The following SP140L variants were observed in gnomAD, a reference collection of about 807,000 sequenced individuals.
SP140L encodes nuclear body protein SP140-like protein.
SP140L carries 64 observed loss-of-function variants against 84.3 expected under a neutral mutation model. The observed-to-expected ratio is 0.76, with a 90% CI of 0.62 to 0.94. The LOEUF (loss-of-function observed/expected upper bound fraction) is 0.94, where lower values mean the gene tolerates loss of function less well. Among genes scored for constraint, SP140L ranks in the 40% least tolerant of loss-of-function variants. SP140L has a pLI of 0.00. For missense variants in SP140L, 628 were observed against 692.5 expected, an observed-to-expected ratio of 0.91 and a Z score of 1.05; for synonymous variants, 242 against 236.9, an observed-to-expected ratio of 1.02 and a Z score of -0.20.
chr2:230,328,004 A>G (rs777141884), intron 1 of SP140L, among the ~76,000 whole-genome samples: 24 of 152,174 alleles, frequency 1.6e-4, no homozygotes, highest in Non-Finnish European at 2.5e-4. Flanking sequence ...AAGAGATGGA[A>G]ATCCTATCTT....
chr2:230,387,050 C>T (rs865930575), intron 9 of SP140L, among the ~76,000 whole-genome samples: 2 of 152,078 alleles, frequency 1.3e-5, no homozygotes, highest in South Asian at 2.1e-4. Context: ...TGGCATCTTG[C>T]GTGGGAGAGG....
chr2:230,342,926 A>T lies in SP140L; in HGVS notation c.107+14095A>T, dbSNP rs138649296. Among the ~76,000 whole-genome samples the T allele has an allele frequency of 1.4e-4, 21 of 151,838 alleles. No individual in the cohort carries two copies. The East Asian group carries it at 4.1e-3, about 29-fold the overall frequency. On this transcript the variant is annotated intron_variant, in intron 2 of 18. Transcript: ENST00000415673. ...CTACATTATTTTCTCCCTTCTCCTT[A>T]CTTTGTGCTTAGTTTGCCTTTCTTC...
intron 5 of SP140L, among the ~76,000 whole-genome samples, chr2:230,366,356 G>A (rs2060868746): frequency 6.6e-6 from 1 of 151,966 alleles, no homozygotes; most frequent in African/African-American, 2.4e-5. Context: ...CAAATTGACT[G>A]CTTCATCATT....
At chr2:230,389,800 A>C in intron 10 of SP140L, 119 bp from the exon 11 acceptor site, 8 of 969,412 alleles carry the variant, frequency 8.3e-6, no homozygotes, top group Non-Finnish European at 1.2e-5. Context: ...TTGAAACTCT[A>C]GAGATTTATG....
At chr2:230,384,398 C>T (rs2061502826) in intron 8 of SP140L, among the ~76,000 whole-genome samples, 1 of 152,026 alleles carries the variant, frequency 6.6e-6, no homozygotes, top group African/African-American at 2.4e-5. Context: ...TAAGGATTTC[C>T]TTTCTCCTAG....
chr2:230,389,704 A>T (rs2061723992), intron 10 of SP140L, among the ~76,000 whole-genome samples: 1 of 152,258 alleles, frequency 6.6e-6, no homozygotes, highest in Admixed American at 6.5e-5. Flanking sequence ...CTGATAAAGC[A>T]TTCAATTTTC....
chr2:230,374,709 C>G (rs773868728), intron 7 of SP140L, among the ~76,000 whole-genome samples: 17 of 152,144 alleles, frequency 1.1e-4, no homozygotes, highest in Non-Finnish European at 2.5e-4. Context: ...CAGGCAAGAC[C>G]CTTTACCAGC....
chr2:230,382,216 G>C (rs915528455), intron 7 of SP140L, among the ~76,000 whole-genome samples: 1 of 126,142 alleles, frequency 7.9e-6, no homozygotes, highest in Admixed American at 1.1e-4. Flanking sequence ...ACAATGTCTA[G>C]AGGGTTCTAT....
intron 2 of SP140L, among the ~76,000 whole-genome samples, chr2:230,331,096 C>T (rs182016045): frequency 1.3e-4 from 19 of 151,808 alleles, no homozygotes; most frequent in African/African-American, 3.1e-4. Context: ...AAAGAGAAGC[C>T]GTCAAGTGCT....
intron 7 of SP140L, among the ~76,000 whole-genome samples, chr2:230,381,655 A>G (rs543668569): frequency 1.3e-5 from 2 of 152,152 alleles, no homozygotes; most frequent in East Asian, 3.9e-4. Context: ...CAGGAGTCCA[A>G]AAACAAGCAA....
In SP140L at chr2:230,402,856, A is replaced by G. The variant is rs777979845; in HGVS notation, c.1703A>G (p.Lys568Arg). Residue 568 changes from lysine (K) to arginine (R), a missense_variant, in exon 19 of 19, where the codon AAG (lysine) becomes AGG (arginine). Lys to Arg is a conservative substitution (Grantham distance 26). Around this residue, in one of 4 missense-constraint regions of SP140L, gnomAD observed 44 missense variants for 36.1 expected, o/e 1.22. Coordinates refer to ENST00000415673, the MANE Select transcript of SP140L (RefSeq NM_138402.6). ...RLEAEFEKDF[K>R]EVFAIQETNG... ...GAGGCTGAATTTGAGAAGGATTTCA[A>G]GGAAGTGTTTGCTATTCAGGAAACA... 6.2e-6 allele frequency: 10 copies of G among 1,613,432 alleles called. No individual in the cohort carries two copies. In the South Asian group the frequency reaches 1.1e-4, roughly 18 times the overall value.
intron 7 of SP140L, 112 bp from the exon 8 acceptor site, chr2:230,383,398 C>A: frequency 8.7e-7 from 1 of 1,143,364 alleles, no homozygotes; most frequent in Non-Finnish European, 1.2e-6. Context: ...AGAATTTTGC[C>A]CCATTCCTGT....
At chr2:230,387,318 G>C (rs1575528388) in intron 9 of SP140L, among the ~76,000 whole-genome samples, 1 of 152,312 alleles carries the variant, frequency 6.6e-6, no homozygotes. Flanking sequence ...AATATTAACA[G>C]GATGACAACT....
chr2:230,402,964 G>T lies in SP140L; in HGVS notation c.*68G>T, dbSNP rs2062422812. The T allele has an allele frequency of 2.3e-6, 3 of 1,314,760 alleles. No individual in the cohort carries two copies. Among genetic ancestry groups the T allele is most frequent in the Non-Finnish European group, 3.2e-6 (3 of 940,446 alleles). 81.4% of individuals were successfully genotyped at this position (1,314,760 alleles called of 1,614,324 possible). A position where few individuals can be genotyped will look rare whatever the true frequency, so the allele number is the denominator to read the frequency against. On this transcript the variant is annotated 3_prime_UTR_variant, in exon 19 of 19. Transcript: ENST00000415673. ...GGTTGCCACTGACTTCAAACTGAGA[G>T]CACTTGGGAAATAGCACATGCAGGG...
At chr2:230,360,354 G>A (rs923695265) in intron 4 of SP140L, among the ~76,000 whole-genome samples, 2 of 152,144 alleles carry the variant, frequency 1.3e-5, no homozygotes, top group Non-Finnish European at 2.9e-5. Flanking sequence ...TTATTTACTA[G>A]GCAATAAAGA....
intron 9 of SP140L, 42 bp downstream of exon 9, chr2:230,385,346 CA>C (rs772800779): frequency 2.5e-6 from 4 of 1,580,824 alleles, no homozygotes; most frequent in Middle Eastern, 1.7e-4. Context: ...CCCTGCAGGT[CA>C]ATGCACATGT....
At chr2:230,343,844 C>G (rs1026312612) in intron 2 of SP140L, among the ~76,000 whole-genome samples, 3 of 152,022 alleles carry the variant, frequency 2.0e-5, no homozygotes, top group African/African-American at 7.2e-5. Context: ...TTTATGGCTG[C>G]TTTCTTAATC....
At chr2:230,379,136 T>G (rs1389706194) in intron 7 of SP140L, among the ~76,000 whole-genome samples, 1 of 152,214 alleles carries the variant, frequency 6.6e-6, no homozygotes, top group African/African-American at 2.4e-5. Flanking sequence ...CTTTGTTTTA[T>G]GTCTCTTGTA....
At chr2:230,347,430 A>G (rs1157786277) in intron 2 of SP140L, among the ~76,000 whole-genome samples, 4 of 152,082 alleles carry the variant, frequency 2.6e-5, no homozygotes, top group Admixed American at 2.6e-4. Context: ...GTGGGGCCAC[A>G]GGCTATGCCC....
Sources: gnomAD v4.1 joint callset for allele counts (sites outside exome capture counted in the v4.1 genomes callset) on GRCh38, gnomAD v4.1.1 for gene constraint, gnomAD v4.1.1 regional missense constraint, MANE v1.5 for transcripts, NCBI Gene and HGNC (gene_info 2026-07-23, HGNC 2026-07-21) for gene names.